Variants in EHBP1L1 observed in about 807,000 individuals in gnomAD.
EHBP1L1 encodes EH domain-binding protein 1-like protein 1.
Under a neutral mutation model 151.1 loss-of-function variants are expected in EHBP1L1, and 122 were observed. The ratio of observed to expected loss-of-function variants is 0.81; its 90% confidence interval spans 0.70 to 0.94. EHBP1L1 has a LOEUF of 0.94. Among genes scored for constraint, EHBP1L1 ranks in the 40% least tolerant of loss-of-function variants. The pLI is 0.00. For synonymous variants in EHBP1L1, 878 were observed against 810.1 expected (o/e 1.08, Z -1.42); for missense variants, 1,941 against 1,959.8 (o/e 0.99, Z 0.18).
Position 65,583,407 on chromosome 11 carries a change from T to C in EHBP1L1, c.2735T>C (p.Leu912Ser). The change falls in exon 9 of 19, where the codon TTA (leucine) becomes TCA (serine). Residue 912 changes from leucine (L) to serine (S), a missense_variant. By Grantham distance (145) the Leu-to-Ser change is moderately radical. Transcript: ENST00000309295. ...GCCCCAGTCACTCAGCCAAGAGTTTTAGGATCCCAGGAAGCAAAAGCAGAG... is the reference window on the plus strand; with the variant it reads ...GCCCCAGTCACTCAGCCAAGAGTTTCAGGATCCCAGGAAGCAAAAGCAGAG... The part of the protein sequence containing the change: ...LRAPVTQPRV[L>S]GSQEAKAEIS... 1 of 1,613,452 alleles carries C rather than the reference T, an allele frequency of 6.2e-7. No individual in the cohort carries two copies. The highest frequency in any genetic ancestry group is 1.1e-5 in the South Asian group (1 of 91,062).
chr11:65,583,454 GA>G lies in EHBP1L1; in HGVS notation c.2783del (p.Glu928GlyfsTer5). On this transcript the variant is annotated frameshift_variant, in exon 9 of 19. Coordinates refer to ENST00000309295, the MANE Select transcript of EHBP1L1 (RefSeq NM_001099409.3). LOFTEE classifies it high-confidence loss of function. ...AGAGATTTCAGGAGTACAAGGGTCA[GA>G]GACTCAAGTTCTGAGAGTCCAGGAG... is the stretch of plus-strand genomic sequence containing the variant. ...KAEISGVQGS[E>X]TQVLRVQEAE... 6.2e-7 allele frequency: 1 copy of G among 1,613,642 alleles called. No individual in the cohort carries two copies. Among genetic ancestry groups the G allele is most frequent in the South Asian group, 1.1e-5 (1 of 91,056 alleles).
intron 12 of EHBP1L1, among the ~76,000 whole-genome samples, chr11:65,588,804 G>C (rs1369527656): frequency 6.6e-6 from 1 of 152,246 alleles, no homozygotes; most frequent in African/African-American, 2.4e-5. Flanking sequence ...GATCCAGCCA[G>C]CCTGGCTTGT....
chr11:65,577,677 A>C (rs1857395850), intron 1 of EHBP1L1, among the ~76,000 whole-genome samples: 1 of 152,024 alleles, frequency 6.6e-6, no homozygotes, highest in Admixed American at 6.5e-5. Flanking sequence ...TGCCCTCCCT[A>C]GGCACCCCCT....
Position 65,583,657 on chromosome 11 carries a change from A to G in EHBP1L1, c.2985A>G (p.Thr995=), listed in dbSNP as rs761070159. 107 of 1,594,232 alleles carry G rather than the reference A, an allele frequency of 6.7e-5. No homozygotes were observed. The highest frequency in any genetic ancestry group is 4.1e-4 in the Admixed American group (23 of 56,456). ...EKGKEAEGSL[T]EASLPEAQVA... ...GGAAAGAAGCTGAGGGAAGCCTCACAGAGGCCAGCCTGCCTGAAGCACAGG... is the reference window on the plus strand; with the variant it reads ...GGAAAGAAGCTGAGGGAAGCCTCACGGAGGCCAGCCTGCCTGAAGCACAGG... The change falls in exon 9 of 19, where the codon ACA becomes ACG. Residue 995 remains threonine (T), a synonymous_variant. Coordinates refer to ENST00000309295, the MANE Select transcript of EHBP1L1 (RefSeq NM_001099409.3).
At position 65,576,163 on chromosome 11, in the gene EHBP1L1, G is replaced by A; in HGVS notation, c.-140G>A. 2 of 602,336 alleles carry A rather than the reference G, an allele frequency of 3.3e-6. No individual in the cohort carries two copies. Among genetic ancestry groups the A allele is most frequent in the Non-Finnish European group, 4.9e-6 (2 of 409,200 alleles). 37.3% of individuals were successfully genotyped at this position (602,336 alleles called of 1,614,324 possible). ...CCCAGCGGCGGCAGCGGAGAGCGCG[G>A]TCCCGGGTCGGAGCCTGGGACACCT... On this transcript the variant is annotated 5_prime_UTR_variant, in exon 1 of 19. Coordinates refer to ENST00000309295, the MANE Select transcript of EHBP1L1 (RefSeq NM_001099409.3).
chr11:65,592,186 G>A lies in EHBP1L1; in HGVS notation c.4473-17G>A, dbSNP rs1858365203. Reference sequence around the variant, plus strand: ...ACCCCGCCCAACGGAGCGCTGACTCGAACCCGTTCTCCCCAGCGCCCTGGA... The same window carrying A: ...ACCCCGCCCAACGGAGCGCTGACTCAAACCCGTTCTCCCCAGCGCCCTGGA... On this transcript the variant is annotated splice_polypyrimidine_tract_variant and intron_variant, in intron 18 of 18. Transcript: ENST00000309295. 3 of 1,583,502 alleles carry A rather than the reference G, an allele frequency of 1.9e-6. No individual in the cohort carries two copies. The highest frequency in any genetic ancestry group is 2.6e-6 in the Non-Finnish European group (3 of 1,169,350).
rs535245309 is a variant in EHBP1L1 at position 65,577,072 on chromosome 11, C to T, written c.104+666C>T. On this transcript the variant is annotated intron_variant, in intron 1 of 18. Transcript: ENST00000309295. The stretch of plus-strand genomic sequence containing the variant: ...AGGTGGCAGGGTGAGGGGTGATTCA[C>T]CAGAGGGTGCAGGCCCCAGCCTGGA... Among the ~76,000 whole-genome samples, 4 of 152,278 alleles carry T rather than the reference C, an allele frequency of 2.6e-5. No individual in the cohort carries two copies. The South Asian group carries it at 8.3e-4, about 32-fold the overall frequency.
At chr11:65,576,484 G>T (rs1420294727) in intron 1 of EHBP1L1, 78 bp downstream of exon 1, 19 of 1,316,374 alleles carry the variant, frequency 1.4e-5, no homozygotes, top group Non-Finnish European at 1.9e-5. Flanking sequence ...AGAGGACTCT[G>T]CCCCCCCAGC....
Position 65,582,403 on chromosome 11 carries a change from AG to A in EHBP1L1, c.1734del (p.Leu579TrpfsTer22). 2 of 1,605,366 alleles carry A rather than the reference AG, an allele frequency of 1.2e-6. No individual in the cohort carries two copies. Among genetic ancestry groups the A allele is most frequent in the Non-Finnish European group, 1.7e-6 (2 of 1,176,820 alleles). On this transcript the variant is annotated frameshift_variant, in exon 9 of 19. Coordinates refer to ENST00000309295, the MANE Select transcript of EHBP1L1 (RefSeq NM_001099409.3). LOFTEE classifies it high-confidence loss of function. ...ACCTGGAAACAGAGACTGAGGTGGT[AG>A]GGTTGGAGGTGCTGGGAACCCAGGA... ...GDLETETEVV[G>X]LEVLGTQEKE...
At position 65,585,375 on chromosome 11, in the gene EHBP1L1, G is replaced by A; in HGVS notation, c.3717G>A (p.Leu1239=). 8.2e-7 allele frequency: 1 copy of A among 1,216,624 alleles called. No homozygotes were observed. The highest frequency in any genetic ancestry group is 1.0e-6 in the Non-Finnish European group (1 of 975,142). The allele number at this position is 1,216,624 out of a possible 1,614,324, so 75.4% of individuals were successfully genotyped here. A position where few individuals can be genotyped will look rare whatever the true frequency, so the allele number is the denominator to read the frequency against. The change falls in exon 12 of 19, where the codon CTG becomes CTA. Residue 1239 remains leucine, a synonymous_variant. Transcript: ENST00000309295. This position sits in a 1 kb window ranked among gnomAD's most constrained non-coding sequence, Gnocchi z 4.0. ...CCGCGGAGGTCCCGGCCGAGGGGCT[G>A]GTGAACGGGGCGGGGGCACCGGGCG... is the stretch of plus-strand genomic sequence containing the variant. ...SRPAEVPAEG[L]VNGAGAPGGG...
At chr11:65,584,785 A>T in intron 11 of EHBP1L1, 174 bp from the exon 12 acceptor site, 1 of 1,019,276 alleles carries the variant, frequency 9.8e-7, no homozygotes, top group Non-Finnish European at 1.4e-6. Context: ...TGCCGTTGCT[A>T]AGCAACGCGA....
chr11:65,585,382 G>C lies in EHBP1L1; in HGVS notation c.3724G>C (p.Gly1242Arg). 8.2e-7 allele frequency: 1 copy of C among 1,224,138 alleles called. No individual in the cohort carries two copies. Among genetic ancestry groups the C allele is most frequent in the Non-Finnish European group, 1.0e-6 (1 of 980,366 alleles). 75.8% of individuals were successfully genotyped at this position (1,224,138 alleles called of 1,614,324 possible). A position where few individuals can be genotyped will look rare whatever the true frequency, so the allele number is the denominator to read the frequency against. Residue 1242 changes from glycine (G) to arginine (R), a missense_variant, in exon 12 of 19, where the codon GGG becomes CGG. Coordinates refer to ENST00000309295, the MANE Select transcript of EHBP1L1 (RefSeq NM_001099409.3). This position sits in a 1 kb window ranked among gnomAD's most constrained non-coding sequence, Gnocchi z 4.0. ...AEVPAEGLVNGAGAPGGGGVR... is the reference protein window; with the variant it reads ...AEVPAEGLVNRAGAPGGGGVR... The stretch of plus-strand genomic sequence containing the variant: ...GGTCCCGGCCGAGGGGCTGGTGAAC[G>C]GGGCGGGGGCACCGGGCGGCGGCGG...
intron 6 of EHBP1L1, 85 bp downstream of exon 6, chr11:65,580,564 GC>G: frequency 2.0e-6 from 3 of 1,529,478 alleles, no homozygotes; most frequent in South Asian, 2.4e-5. Context: ...TGCTGTGCCC[GC>G]CCTGTGATGG....
Position 65,585,102 on chromosome 11 carries a change from G to A in EHBP1L1, c.3444G>A (p.Leu1148=), listed in dbSNP as rs371537787. 2.1e-4 allele frequency: 316 copies of A among 1,524,752 alleles called. No individual in the cohort carries two copies. In the African/African-American group the frequency reaches 3.5e-3, roughly 17 times the overall value. The allele number at this position is 1,524,752 out of a possible 1,614,324, so 94.5% of individuals were successfully genotyped here. Residue 1148 remains leucine, a synonymous_variant, in exon 12 of 19, where the codon CTG becomes CTA. Coordinates refer to ENST00000309295, the MANE Select transcript of EHBP1L1 (RefSeq NM_001099409.3). This position sits in a 1 kb window ranked among gnomAD's most constrained non-coding sequence, Gnocchi z 4.0. ...RAFCTGQELQ[L]VQLEGGGGAG... is the part of the protein sequence containing the mutation. ...TCTGCACCGGGCAGGAGCTGCAGCT[G>A]GTACAACTGGAGGGCGGCGGCGGCG...
Position 65,580,367 on chromosome 11 carries a change from C to G in EHBP1L1, c.522C>G (p.Leu174=), listed in dbSNP as rs1295221450. ...ATGACATGCAGAGTCTCGCAAGCCT[C>G]ATGAGTGTGAAGCCTAGTGATGTGG... The part of the protein sequence containing the change: ...TDDDMQSLAS[L]MSVKPSDVGN... Residue 174 remains leucine, a synonymous_variant, in exon 6 of 19, where the codon CTC becomes CTG. Transcript: ENST00000309295. 6.2e-7 allele frequency: 1 copy of G among 1,613,842 alleles called. No homozygotes were observed. The highest frequency in any genetic ancestry group is 2.2e-5 in the East Asian group (1 of 44,888).
Position 65,583,055 on chromosome 11 carries a change from G to A in EHBP1L1, c.2383G>A (p.Gly795Arg). The change falls in exon 9 of 19, where the codon GGG becomes AGG. Residue 795 changes from glycine to arginine, a missense_variant. Transcript: ENST00000309295. ...CCCAGGGTTAGAAGCTGATACAACA[G>A]GGATCCAGGTGAAAGAGGTTGGGGG... ...GVPGLEADTT[G>R]IQVKEVGGSE... 6.2e-7 allele frequency: 1 copy of A among 1,613,262 alleles called. No individual in the cohort carries two copies. The highest frequency in any genetic ancestry group is 8.5e-7 in the Non-Finnish European group (1 of 1,179,670).
intron 12 of EHBP1L1, among the ~76,000 whole-genome samples, chr11:65,586,644 G>T (rs1857979107): frequency 6.6e-6 from 1 of 152,220 alleles, no homozygotes; most frequent in African/African-American, 2.4e-5. Flanking sequence ...TCCATAAGTG[G>T]CAATGAGGCC....
At position 65,585,112 on chromosome 11, in the gene EHBP1L1, G is replaced by A; in HGVS notation, c.3454G>A (p.Glu1152Lys). The change falls in exon 12 of 19, where the codon GAG (glutamate) becomes AAG (lysine). Residue 1152 changes from glutamate (E) to lysine (K), a missense_variant. Physicochemically the swap from Glu to Lys is moderately conservative, Grantham distance 56 (BLOSUM62 1). Coordinates refer to ENST00000309295, the MANE Select transcript of EHBP1L1 (RefSeq NM_001099409.3). The surrounding 1 kb of genome is among the most constrained non-coding windows in gnomAD (Gnocchi z 4.0). ...TGQELQLVQLEGGGGAGTYRV... is the reference protein window; with the variant it reads ...TGQELQLVQLKGGGGAGTYRV... ...GCAGGAGCTGCAGCTGGTACAACTG[G>A]AGGGCGGCGGCGGCGCCGGCACGTA... 1 of 1,512,134 alleles carries A rather than the reference G, an allele frequency of 6.6e-7. No homozygotes were observed. The highest frequency in any genetic ancestry group is 1.2e-5 in the South Asian group (1 of 82,138). 93.7% of individuals were successfully genotyped at this position (1,512,134 alleles called of 1,614,324 possible).
intron 12 of EHBP1L1, among the ~76,000 whole-genome samples, chr11:65,589,162 T>G (rs1166834685): frequency 6.6e-6 from 1 of 152,130 alleles, no homozygotes; most frequent in Non-Finnish European, 1.5e-5. Flanking sequence ...CCCAGCACTT[T>G]GGGAGGCCAA....
Sources: gnomAD v4.1 joint callset for allele counts (sites outside exome capture counted in the v4.1 genomes callset) on GRCh38, gnomAD v4.1.1 for gene constraint, Gnocchi (gnomAD v3.1) non-coding constraint, MANE v1.5 for transcripts, NCBI Gene and HGNC (gene_info 2026-07-23, HGNC 2026-07-21) for gene names.